Variants in RALGAPA2 observed in about 807,000 individuals in gnomAD.
RALGAPA2 encodes the protein ral GTPase-activating protein subunit alpha-2.
RALGAPA2 carries 139 observed loss-of-function variants against 230.4 expected under a neutral mutation model. The ratio of observed to expected loss-of-function variants is 0.60; its 90% CI spans 0.53 to 0.69. RALGAPA2 has a LOEUF of 0.69. Among genes scored for constraint, RALGAPA2 ranks in the 30% least tolerant of loss-of-function variants. The pLI, the probability that RALGAPA2 is intolerant of heterozygous loss-of-function variation, is 0.00. For synonymous variants in RALGAPA2, 847 were observed against 837.8 expected (o/e 1.01, Z -0.19); for missense variants, 2,163 against 2,276.0 (o/e 0.95, Z 1.01).
At chr20:20,605,496 T>A (rs994732405) in intron 14 of RALGAPA2, 84 bp from the exon 15 acceptor site, 1 of 984,926 alleles carries the variant, frequency 1.0e-6, no homozygotes, top group African/African-American at 1.7e-5. Context: ...TAAATTACTA[T>A]TAATAACACA....
intron 33 of RALGAPA2, among the ~76,000 whole-genome samples, chr20:20,506,079 A>C (rs1176864724): frequency 6.6e-6 from 1 of 152,112 alleles, no homozygotes; most frequent in Non-Finnish European, 1.5e-5. Context: ...CCAAGCGAAC[A>C]CACTTAGGTA....
chr20:20,478,756 TA>T (rs1283997960), intron 36 of RALGAPA2, among the ~76,000 whole-genome samples: 1 of 152,122 alleles, frequency 6.6e-6, no homozygotes, highest in South Asian at 2.1e-4. Context: ...TAGTTAGTAC[TA>T]AGCTCAGTAC....
At chr20:20,505,308 T>C in intron 34 of RALGAPA2, 103 bp downstream of exon 34, 2 of 1,294,906 alleles carry the variant, frequency 1.5e-6, no homozygotes, top group Non-Finnish European at 2.0e-6. Flanking sequence ...ATCTATGCTA[T>C]ATTTGAATGC....
intron 35 of RALGAPA2, 95 bp downstream of exon 35, chr20:20,503,256 C>T: frequency 8.5e-7 from 1 of 1,170,542 alleles, no homozygotes; most frequent in Admixed American, 3.1e-5. Flanking sequence ...GAGAAACCAT[C>T]TCAGTGTGCG....
intron 2 of RALGAPA2, among the ~76,000 whole-genome samples, chr20:20,679,644 G>A (rs202006317): frequency 1.4e-4 from 22 of 151,802 alleles, no homozygotes; most frequent in African/African-American, 4.8e-4. Context: ...CATACATGTC[G>A]TAAGAACAGC....
intron 26 of RALGAPA2, 124 bp downstream of exon 26, chr20:20,535,621 A>G: frequency 7.5e-7 from 1 of 1,330,236 alleles, no homozygotes; most frequent in South Asian, 2.0e-5. Flanking sequence ...CATTCTTCCT[A>G]GACTTTTCAG....
rs544500144 is a variant in RALGAPA2, at chr20:20,437,610, T to A, written c.5496-25462A>T. On this transcript the variant is annotated intron_variant, in intron 37 of 39. Coordinates refer to ENST00000202677, the MANE Select transcript of RALGAPA2 (RefSeq NM_020343.4). The surrounding 1 kb of genome is among the most constrained non-coding windows in gnomAD (Gnocchi z 4.1). ...CTTCACACACACGATGTGTGTGTGCTGTGCCCTCTGCCTGGGATGCTCTTC... is the reference window on the plus strand; with the variant it reads ...CTTCACACACACGATGTGTGTGTGCAGTGCCCTCTGCCTGGGATGCTCTTC... 6.6e-6 allele frequency among the ~76,000 whole-genome samples: 1 copy of A among 152,312 alleles called. No individual in the cohort carries two copies. The highest frequency in any genetic ancestry group is 2.1e-4 in the South Asian group (1 of 4,824).
At chr20:20,414,774 T>C (rs1324457342) in intron 37 of RALGAPA2, among the ~76,000 whole-genome samples, 1 of 152,210 alleles carries the variant, frequency 6.6e-6, no homozygotes, top group Non-Finnish European at 1.5e-5. Context: ...GGAGCAAGTG[T>C]TTCCTTCATA....
At chr20:20,632,913 T>C (rs1435951566) in intron 9 of RALGAPA2, among the ~76,000 whole-genome samples, 1 of 152,188 alleles carries the variant, frequency 6.6e-6, no homozygotes, top group Non-Finnish European at 1.5e-5. Context: ...GTCTATTGAT[T>C]GGATTTGGCC....
intron 31 of RALGAPA2, among the ~76,000 whole-genome samples, chr20:20,518,139 TC>T: frequency 6.6e-6 from 1 of 152,150 alleles, no homozygotes; most frequent in Admixed American, 6.5e-5. Context: ...CATTGCAACC[TC>T]CGTCTCCCGG....
intron 4 of RALGAPA2, among the ~76,000 whole-genome samples, chr20:20,645,225 C>G (rs975212881): frequency 6.6e-6 from 1 of 150,454 alleles, no homozygotes; most frequent in African/African-American, 2.4e-5. Context: ...AGCAATTCTC[C>G]TGCCTCAGCC....
chr20:20,573,189 C>T (rs966135938), intron 20 of RALGAPA2, 121 bp from the exon 21 acceptor site: 6 of 863,494 alleles, frequency 6.9e-6, no homozygotes, highest in Non-Finnish European at 8.4e-6. Context: ...AAATGTGAAA[C>T]AGCTGAGAAT....
In RALGAPA2 at chr20:20,592,580, G is replaced by A. The variant is rs140977200; in HGVS notation, c.2204-1266C>T. ...ATGAAACTTTACATCCACATAACTA[G>A]AATATTTTCCACAAATTTTAATTTG... On this transcript the variant is annotated intron_variant, in intron 16 of 39. Transcript: ENST00000202677. Among the ~76,000 whole-genome samples the A allele has an allele frequency of 4.9e-3, 752 of 152,208 alleles. 7 individuals carry two copies. Among genetic ancestry groups the A allele is most frequent in the African/African-American group, 0.017 (704 of 41,532 alleles).
intron 2 of RALGAPA2, among the ~76,000 whole-genome samples, chr20:20,677,199 T>C (rs1022634049): frequency 6.6e-6 from 1 of 151,952 alleles, no homozygotes; most frequent in African/African-American, 2.4e-5. Flanking sequence ...ATTCTATAAA[T>C]GAGTGAGAAA....
intron 36 of RALGAPA2, among the ~76,000 whole-genome samples, chr20:20,492,194 T>G (rs1285509252): frequency 6.6e-6 from 1 of 152,162 alleles, no homozygotes; most frequent in Non-Finnish European, 1.5e-5. Flanking sequence ...AAGACTTTTG[T>G]GTACTGATGA....
chr20:20,615,501 C>T (rs1478840036), intron 13 of RALGAPA2, among the ~76,000 whole-genome samples: 1 of 152,056 alleles, frequency 6.6e-6, no homozygotes, highest in Non-Finnish European at 1.5e-5. Flanking sequence ...AAATCTAATG[C>T]ATTGTTTACC....
At chr20:20,579,899 T>C (rs1285718084) in intron 20 of RALGAPA2, among the ~76,000 whole-genome samples, 1 of 152,184 alleles carries the variant, frequency 6.6e-6, no homozygotes, top group Admixed American at 6.6e-5. Context: ...AGTGCTATAT[T>C]TTATCTTCTG....
chr20:20,505,539 A>C lies in RALGAPA2; in HGVS notation c.4929-5T>G. ...GCGATTTTGTGTGTCTCACGGCTAT[A>C]AATTTTTAAATTTAAAGGAGTTAGA... On this transcript the variant is annotated splice_polypyrimidine_tract_variant and splice_region_variant and intron_variant, in intron 33 of 39. Transcript: ENST00000202677. The C allele has an allele frequency of 6.4e-7, 1 of 1,554,018 alleles. No individual in the cohort carries two copies. Among genetic ancestry groups the C allele is most frequent in the Non-Finnish European group, 8.7e-7 (1 of 1,154,020 alleles).
At chr20:20,695,782 T>C (rs918525601) in intron 1 of RALGAPA2, among the ~76,000 whole-genome samples, 7 of 152,228 alleles carry the variant, frequency 4.6e-5, no homozygotes, top group East Asian at 1.9e-4. Context: ...AAGATTAAGA[T>C]TCCCTCAGGT....
Sources: gnomAD v4.1 joint callset for allele counts (sites outside exome capture counted in the v4.1 genomes callset) on GRCh38, gnomAD v4.1.1 for gene constraint, Gnocchi (gnomAD v3.1) non-coding constraint, MANE v1.5 for transcripts, NCBI Gene and HGNC (gene_info 2026-07-23, HGNC 2026-07-21) for gene names.